Variants in SEMA3A observed in about 807,000 individuals in gnomAD.
SEMA3A encodes the protein semaphorin 3A.
A neutral mutation model predicts 97.9 loss-of-function variants in SEMA3A; 29 were observed. The ratio of observed to expected loss-of-function variants is 0.30; its 90% CI spans 0.22 to 0.40. The LOEUF (loss-of-function observed/expected upper bound fraction) is 0.40, where lower values mean the gene tolerates loss of function less well. Ranked by LOEUF, SEMA3A falls within the 10% of genes least tolerant of loss-of-function variation. The pLI is 1.00. For missense variants in SEMA3A, 763 were observed against 951.3 expected, an observed-to-expected ratio of 0.80 and a Z score of 2.60; for synonymous variants, 321 against 323.7, an observed-to-expected ratio of 0.99 and a Z score of 0.09.
At chr7:84,435,543 A>G (rs189379729) in intron 1 of SEMA3A, among the ~76,000 whole-genome samples, 4 of 152,234 alleles carry the variant, frequency 2.6e-5, no homozygotes, top group African/African-American at 9.6e-5. Flanking sequence ...GGGAGGCGGA[A>G]GTTGCAGTGA....
intron 4 of SEMA3A, among the ~76,000 whole-genome samples, chr7:84,068,740 G>A (rs1169295314): frequency 6.6e-6 from 1 of 152,096 alleles, no homozygotes; most frequent in Non-Finnish European, 1.5e-5. Context: ...TGCCAAGGTA[G>A]ATGAGAAGTG....
chr7:84,326,202 A>G (rs1018278844), intron 2 of SEMA3A, among the ~76,000 whole-genome samples: 2 of 152,160 alleles, frequency 1.3e-5, no homozygotes, highest in African/African-American at 4.8e-5. Flanking sequence ...GAGATAATTT[A>G]GAGAGCTTTT....
At chr7:84,170,343 T>A (rs576373131) in intron 1 of SEMA3A, among the ~76,000 whole-genome samples, 2 of 152,196 alleles carry the variant, frequency 1.3e-5, no homozygotes, top group East Asian at 1.9e-4. Context: ...GTGCAGCTAC[T>A]GCAATTTCTC....
At chr7:84,086,555 A>ATTATTATATTATATTTACATATAATG (rs1227562413) in intron 4 of SEMA3A, among the ~76,000 whole-genome samples, 8 of 78,346 alleles carry the variant, frequency 1.0e-4, no homozygotes, top group Non-Finnish European at 2.3e-4. Flanking sequence ...TACATATAAT[A>ATTATTATATTATATTTACATATAATG]TATTATTATA....
intron 3 of SEMA3A, among the ~76,000 whole-genome samples, chr7:84,290,456 T>C (rs751693189): frequency 6.8e-6 from 1 of 146,792 alleles, no homozygotes; most frequent in Non-Finnish European, 1.5e-5. Context: ...TTTTCCTATT[T>C]ATCTTAACTG....
At chr7:84,007,770 G>A (rs1790726375) in intron 9 of SEMA3A, among the ~76,000 whole-genome samples, 1 of 152,140 alleles carries the variant, frequency 6.6e-6, no homozygotes, top group Non-Finnish European at 1.5e-5. Context: ...AGAGTACTAA[G>A]TTTTGATAGG....
intron 5 of SEMA3A, among the ~76,000 whole-genome samples, chr7:84,057,174 C>G (rs1793018948): frequency 1.3e-5 from 2 of 152,162 alleles, no homozygotes; most frequent in Non-Finnish European, 2.9e-5. Context: ...CTAAAAGTCT[C>G]AGACCTTTGA....
chr7:84,125,901 T>G (rs2116005681), intron 3 of SEMA3A, among the ~76,000 whole-genome samples: 1 of 152,312 alleles, frequency 6.6e-6, no homozygotes, highest in Non-Finnish European at 1.5e-5. Flanking sequence ...AAAGCTTCAG[T>G]TTGTATTAGA....
chr7:84,123,574 G>C (rs1008573085), intron 3 of SEMA3A, among the ~76,000 whole-genome samples: 1 of 151,000 alleles, frequency 6.6e-6, no homozygotes, highest in Non-Finnish European at 1.5e-5. Context: ...ATGAATATCA[G>C]AAATGTCATC....
intron 2 of SEMA3A, among the ~76,000 whole-genome samples, chr7:84,326,431 A>T (rs1418298714): frequency 6.6e-6 from 1 of 152,140 alleles, no homozygotes; most frequent in Non-Finnish European, 1.5e-5. Context: ...ATATATAACT[A>T]AAACCTATGG....
At chr7:84,223,549 A>G (rs1313573385) in intron 3 of SEMA3A, among the ~76,000 whole-genome samples, 1 of 151,838 alleles carries the variant, frequency 6.6e-6, no homozygotes, top group East Asian at 1.9e-4. Context: ...AAAAAGCAAA[A>G]ATTTAAGCTA....
At chr7:84,464,954 T>A (rs1163059898) in intron 1 of SEMA3A, among the ~76,000 whole-genome samples, 1 of 152,146 alleles carries the variant, frequency 6.6e-6, no homozygotes, top group Non-Finnish European at 1.5e-5. Context: ...ACAGAAGTTT[T>A]CTCTGGAAAC....
chr7:84,144,000 AT>A (rs1796393474), intron 1 of SEMA3A, among the ~76,000 whole-genome samples: 2 of 130,644 alleles, frequency 1.5e-5, no homozygotes, highest in South Asian at 4.8e-4. Context: ...CACACAATTT[AT>A]TGTGTATGCA....
chr7:84,174,858 GA>G (rs964466138), intron 1 of SEMA3A, among the ~76,000 whole-genome samples: 26 of 151,804 alleles, frequency 1.7e-4, no homozygotes, highest in East Asian at 1.2e-3. Flanking sequence ...GTGAGGAAAA[GA>G]AAAAAAATTC....
intron 2 of SEMA3A, among the ~76,000 whole-genome samples, chr7:84,349,128 C>T (rs1247258446): frequency 3.9e-5 from 6 of 152,122 alleles, no homozygotes; most frequent in African/African-American, 1.4e-4. Context: ...ATTTTTGAAG[C>T]ACTTTTTTCT....
At chr7:84,285,796 T>C (rs1178509721) in intron 3 of SEMA3A, among the ~76,000 whole-genome samples, 2 of 151,254 alleles carry the variant, frequency 1.3e-5, no homozygotes, top group African/African-American at 4.9e-5. Context: ...CAAACATTAG[T>C]GGACATGGTG....
chr7:84,152,433 G>T (rs367943451), intron 1 of SEMA3A, among the ~76,000 whole-genome samples: 2 of 142,758 alleles, frequency 1.4e-5, no homozygotes, highest in African/African-American at 2.7e-5. Context: ...TCAGTAAACT[G>T]TCGCAAGAAC....
chr7:83,986,259 T>A (rs1789631366), intron 12 of SEMA3A, among the ~76,000 whole-genome samples: 1 of 152,166 alleles, frequency 6.6e-6, no homozygotes. Flanking sequence ...GGGATGAGAT[T>A]ACTTCATTAT....
At chr7:84,117,887 T>G (rs942580454) in intron 3 of SEMA3A, among the ~76,000 whole-genome samples, 7 of 152,214 alleles carry the variant, frequency 4.6e-5, no homozygotes, top group African/African-American at 1.7e-4. Context: ...AGATTAATGA[T>G]ATATTCATGT....
Sources: allele counts gnomAD v4.1 joint callset (sites outside exome capture counted in the v4.1 genomes callset), GRCh38; gene constraint gnomAD v4.1.1; transcripts MANE v1.5; gene names NCBI Gene and HGNC (gene_info 2026-07-23, HGNC 2026-07-21).